SCYL2: variants seen among roughly 807,000 people sequenced by gnomAD.
SCYL2 encodes the protein SCY1 like pseudokinase 2.
In SCYL2, 36 loss-of-function variants were observed where a neutral mutation model predicts 100.4. The observed-to-expected ratio is 0.36, with a 90% CI of 0.27 to 0.47. SCYL2 has a LOEUF of 0.47. Ranked by LOEUF, SCYL2 falls within the 20% of genes least tolerant of loss-of-function variation. The pLI, the probability that SCYL2 is intolerant of heterozygous loss-of-function variation, is 1.00. For missense variants in SCYL2, 902 were observed against 1,083.9 expected (o/e 0.83, Z 2.36); for synonymous variants, 330 against 359.2 (o/e 0.92, Z 0.92).
rs1286374439 is a variant in SCYL2 at position 100,340,529 on chromosome 12, A to G, written c.*1357A>G. ...TTTTAATTATCTGGAACCAGCAATC[A>G]TTTAAAATAAACCATATTAAGTTTA... On this transcript the variant is annotated 3_prime_UTR_variant, in exon 18 of 18. Coordinates refer to ENST00000360820, the MANE Select transcript of SCYL2 (RefSeq NM_017988.6). 1.3e-5 allele frequency: 2 copies of G among 152,092 alleles called. No individual in the cohort carries two copies. The highest frequency in any genetic ancestry group is 3.8e-4 in the East Asian group (2 of 5,206). 9.4% of individuals were successfully genotyped at this position (152,092 alleles called of 1,614,324 possible). A position where few individuals can be genotyped will look rare whatever the true frequency, so the allele number is the denominator to read the frequency against.
intron 4 of SCYL2, among the ~76,000 whole-genome samples, chr12:100,304,414 C>T (rs575472990): frequency 3.2e-4 from 49 of 152,232 alleles, no homozygotes; most frequent in African/African-American, 9.4e-4. Flanking sequence ...TCCTGGTCTG[C>T]GGGTTGCAAA....
intron 1 of SCYL2, among the ~76,000 whole-genome samples, chr12:100,269,144 A>G (rs527542953): frequency 6.6e-6 from 1 of 152,290 alleles, no homozygotes; most frequent in East Asian, 1.9e-4. Context: ...ACCATTTTTA[A>G]GTAAATCGAA....
intron 13 of SCYL2, among the ~76,000 whole-genome samples, chr12:100,330,126 T>C (rs1168190913): frequency 6.6e-6 from 1 of 152,144 alleles, no homozygotes. Flanking sequence ...GAGGAGATAA[T>C]TGGGAACCAT....
At chr12:100,321,159 A>G (rs1420348909) in intron 10 of SCYL2, among the ~76,000 whole-genome samples, 2 of 152,354 alleles carry the variant, frequency 1.3e-5, no homozygotes, top group Admixed American at 6.5e-5. Context: ...GATACAAACA[A>G]TTAACTCTCT....
At chr12:100,323,162 T>C (rs1420985995) in intron 10 of SCYL2, among the ~76,000 whole-genome samples, 1 of 152,228 alleles carries the variant, frequency 6.6e-6, no homozygotes, top group Non-Finnish European at 1.5e-5. Context: ...GATTTCATAC[T>C]TGATTTTCCC....
In SCYL2 at chr12:100,317,826, A is replaced by G. The variant is rs2096350762; in HGVS notation, c.1296A>G (p.Lys432=). ...AGATTTTGTTAATTTTCCTACAAAA[A>G]ATGGATTTGCTACTAACCAAAACCC... is the stretch of plus-strand genomic sequence containing the variant. ...PIQILLIFLQ[K]MDLLLTKTPP... The change falls in exon 10 of 18, where the codon AAA becomes AAG. Residue 432 remains lysine, a synonymous_variant. Coordinates refer to ENST00000360820, the MANE Select transcript of SCYL2 (RefSeq NM_017988.6). 3 of 1,599,962 alleles carry G rather than the reference A, an allele frequency of 1.9e-6. No homozygotes were observed. Among genetic ancestry groups the G allele is most frequent in the African/African-American group, 2.7e-5 (2 of 74,312 alleles).
chr12:100,318,400 G>T (rs1355196234), intron 10 of SCYL2, among the ~76,000 whole-genome samples: 1 of 144,330 alleles, frequency 6.9e-6, no homozygotes, highest in Admixed American at 7.2e-5. Context: ...GCACAATCTC[G>T]GCTCACTGCA....
intron 3 of SCYL2, among the ~76,000 whole-genome samples, chr12:100,296,360 A>G (rs1348708271): frequency 1.3e-5 from 2 of 152,350 alleles, no homozygotes; most frequent in African/African-American, 4.8e-5. Context: ...TTGGTGATGT[A>G]TATGGGGGTG....
At position 100,340,207 on chromosome 12, in the gene SCYL2, T is replaced by G. The variant is rs1258185700; in HGVS notation, c.*1035T>G. 1 of 152,602 alleles carries G rather than the reference T, an allele frequency of 6.6e-6. No homozygotes were observed. The allele number at this position is 152,602 out of a possible 1,614,324, so 9.5% of individuals were successfully genotyped here. ...GCCATGATAGTCTGACCTCATTAAT[T>G]ACTGCTACTGAAGTTCAATTTTTTT... On this transcript the variant is annotated 3_prime_UTR_variant, in exon 18 of 18. Transcript: ENST00000360820.
At chr12:100,329,032 G>A (rs1468181780) in intron 12 of SCYL2, among the ~76,000 whole-genome samples, 169 bp from the exon 13 acceptor site, 1 of 152,120 alleles carries the variant, frequency 6.6e-6, no homozygotes, top group Non-Finnish European at 1.5e-5. Context: ...GATGATAAAG[G>A]CTGAAATCAT....
At chr12:100,317,587 T>A in intron 9 of SCYL2, 1 of 1,101,926 alleles carries the variant, frequency 9.1e-7, no homozygotes, top group East Asian at 2.8e-5. Flanking sequence ...AGTCTTTATT[T>A]AATTAACATT....
chr12:100,300,378 A>T (rs1418243343), intron 4 of SCYL2, among the ~76,000 whole-genome samples: 1 of 152,156 alleles, frequency 6.6e-6, no homozygotes, highest in East Asian at 1.9e-4. Flanking sequence ...GTGGGTACAT[A>T]GTAGGTATAT....
chr12:100,267,307 A>C lies in SCYL2; in HGVS notation c.-514A>C, dbSNP rs2096278758. 1 of 490,516 alleles carries C rather than the reference A, an allele frequency of 2.0e-6. No homozygotes were observed. Among genetic ancestry groups the C allele is most frequent in the Admixed American group, 3.8e-5 (1 of 26,216 alleles). 30.4% of individuals were successfully genotyped at this position (490,516 alleles called of 1,614,324 possible). On this transcript the variant is annotated 5_prime_UTR_variant, in exon 1 of 18. Coordinates refer to ENST00000360820, the MANE Select transcript of SCYL2 (RefSeq NM_017988.6). ...GTAAAGCCAGAGTCAGTGGCCAGGC[A>C]CGAAGGCAGAGCAGGAACAGCCAGG...
At chr12:100,336,415 C>T (rs1952277460) in intron 16 of SCYL2, among the ~76,000 whole-genome samples, 2 of 147,092 alleles carry the variant, frequency 1.4e-5, no homozygotes, top group Non-Finnish European at 2.9e-5. Context: ...TTTTATAGTC[C>T]ATCAGATTTT....
At chr12:100,301,464 T>C (rs181757769) in intron 4 of SCYL2, among the ~76,000 whole-genome samples, 1 of 152,358 alleles carries the variant, frequency 6.6e-6, no homozygotes, top group African/African-American at 2.4e-5. Context: ...TTTCACTTTG[T>C]TGTTTATTTC....
chr12:100,273,805 T>G (rs535910912), intron 1 of SCYL2, among the ~76,000 whole-genome samples: 8 of 152,226 alleles, frequency 5.3e-5, no homozygotes, highest in Non-Finnish European at 1.2e-4. Flanking sequence ...CACAAGTTAA[T>G]TGCTGTAACT....
chr12:100,314,611 C>A lies in SCYL2; in HGVS notation c.1092C>A (p.Pro364=). The A allele has an allele frequency of 6.3e-7, 1 of 1,591,508 alleles. No individual in the cohort carries two copies. The highest frequency in any genetic ancestry group is 1.2e-5 in the South Asian group (1 of 86,006). ...KGLPKVLPKL[P]KRVIVQRILP... is the part of the protein sequence containing the mutation. ...TGCCAAAGGTTCTACCAAAACTGCC[C>A]AAGGTTTGTTATTGTTAGTTTCTTA... is the stretch of plus-strand genomic sequence containing the variant. Residue 364 remains proline, a synonymous_variant, in exon 8 of 18, where the codon CCC becomes CCA. Transcript: ENST00000360820.
intron 3 of SCYL2, among the ~76,000 whole-genome samples, chr12:100,295,103 G>C (rs1234351422): frequency 6.6e-6 from 1 of 151,656 alleles, no homozygotes; most frequent in Non-Finnish European, 1.5e-5. Context: ...GATGATGGGC[G>C]GCCGGGCAGA....
At chr12:100,270,566 G>T (rs950502379) in intron 1 of SCYL2, among the ~76,000 whole-genome samples, 2 of 147,016 alleles carry the variant, frequency 1.4e-5, no homozygotes, top group Admixed American at 6.8e-5. Flanking sequence ...CTTACTTATT[G>T]TTTAAATTAC....
Sources: allele counts gnomAD v4.1 joint callset (sites outside exome capture counted in the v4.1 genomes callset), GRCh38; gene constraint gnomAD v4.1.1; transcripts MANE v1.5; gene names NCBI Gene and HGNC (gene_info 2026-07-23, HGNC 2026-07-21).